AGBL1: variants seen among roughly 807,000 people sequenced by gnomAD.
AGBL1 encodes cytosolic carboxypeptidase 4.
A neutral mutation model predicts 118.9 loss-of-function variants in AGBL1; 130 were observed. That is an observed-to-expected ratio of 1.09 (90% CI 0.95 to 1.26). The LOEUF is 1.26. Among genes scored for constraint, AGBL1 ranks in the 50% most tolerant of loss-of-function variants. The probability of loss-of-function intolerance (pLI) is 0.00; values close to 1 mark genes in which losing one functional copy is unlikely to be tolerated. For synonymous variants in AGBL1, 555 were observed against 478.9 expected (o/e 1.16, Z -2.08); for missense variants, 1,584 against 1,298.1 (o/e 1.22, Z -3.38).
At chr15:86,590,248 A>G (rs552514924) in intron 21 of AGBL1, among the ~76,000 whole-genome samples, 2 of 152,288 alleles carry the variant, frequency 1.3e-5, no homozygotes, top group East Asian at 3.9e-4. Context: ...GTCCCCACCC[A>G]ATCTCACCTT....
At chr15:86,611,624 G>C (rs935304468) in intron 21 of AGBL1, among the ~76,000 whole-genome samples, 1 of 152,122 alleles carries the variant, frequency 6.6e-6, no homozygotes, top group Non-Finnish European at 1.5e-5. Flanking sequence ...GGAAATCTTT[G>C]CTGATTTATT....
chr15:86,209,333 T>C (rs541939707), intron 5 of AGBL1, among the ~76,000 whole-genome samples: 9 of 152,166 alleles, frequency 5.9e-5, no homozygotes, highest in South Asian at 4.1e-4. Context: ...CTATTAGGTC[T>C]GCTTGGTGCA....
At chr15:86,982,825 A>G (rs1465078697) in intron 23 of AGBL1, among the ~76,000 whole-genome samples, 1 of 152,216 alleles carries the variant, frequency 6.6e-6, no homozygotes, top group African/African-American at 2.4e-5. Flanking sequence ...AAAGTAGGCT[A>G]TGAGTAGTTA....
chr15:86,210,522 C>G (rs551449337), intron 5 of AGBL1, among the ~76,000 whole-genome samples: 1 of 152,226 alleles, frequency 6.6e-6, no homozygotes, highest in East Asian at 1.9e-4. Flanking sequence ...GCTTTTTACT[C>G]TTTTTTCTCT....
At chr15:86,637,829 CTG>C in intron 21 of AGBL1, among the ~76,000 whole-genome samples, 1 of 152,288 alleles carries the variant, frequency 6.6e-6, no homozygotes, top group Admixed American at 6.5e-5. Flanking sequence ...TGTCATGAGA[CTG>C]TAAGTTCTTT....
chr15:86,742,751 A>G (rs749082694), intron 22 of AGBL1, among the ~76,000 whole-genome samples: 5 of 152,096 alleles, frequency 3.3e-5, no homozygotes, highest in Non-Finnish European at 5.9e-5. Flanking sequence ...CATTCCTCTG[A>G]TAGAATCTGG....
intron 23 of AGBL1, among the ~76,000 whole-genome samples, chr15:86,964,047 G>A (rs1567262338): frequency 6.6e-6 from 1 of 151,238 alleles, no homozygotes; most frequent in African/African-American, 2.4e-5. Context: ...GTGTGTGTGT[G>A]TGTGTGTGTT....
At chr15:86,925,164 G>GGAA (rs1555463582) in intron 23 of AGBL1, among the ~76,000 whole-genome samples, 21 of 122,854 alleles carry the variant, frequency 1.7e-4, no homozygotes, top group African/African-American at 6.9e-4. Context: ...AGGAGGAGGA[G>GGAA]GAGGAAGAGG....
At chr15:86,246,623 C>T (rs1462761114) in intron 6 of AGBL1, among the ~76,000 whole-genome samples, 2 of 152,138 alleles carry the variant, frequency 1.3e-5, no homozygotes, top group African/African-American at 4.8e-5. Context: ...ATGTGGCAAA[C>T]AACCACGTGG....
At chr15:86,342,459 G>A (rs1453685884) in intron 17 of AGBL1, among the ~76,000 whole-genome samples, 1 of 152,148 alleles carries the variant, frequency 6.6e-6, no homozygotes, top group African/African-American at 2.4e-5. Context: ...CTGGCTTAGA[G>A]GATAGTAATA....
At chr15:86,752,818 G>GTAGC (rs2077875091) in intron 22 of AGBL1, among the ~76,000 whole-genome samples, 1 of 152,088 alleles carries the variant, frequency 6.6e-6, no homozygotes, top group African/African-American at 2.4e-5. Context: ...TATAAAAGGA[G>GTAGC]TAGCTATTTA....
Position 86,596,820 on chromosome 15 carries a change from C to T in AGBL1, c.2994+42283C>T, listed in dbSNP as rs185837135. 6.1e-4 allele frequency among the ~76,000 whole-genome samples: 93 copies of T among 152,252 alleles called. 1 individual carries two copies. Among genetic ancestry groups the T allele is most frequent in the African/African-American group, 2.1e-3 (87 of 41,550 alleles). On this transcript the variant is annotated intron_variant, in intron 21 of 22. Transcript: ENST00000614907. The stretch of plus-strand genomic sequence containing the variant: ...TGAATCTATTTACCTTGCTTTCCTT[C>T]TTCTTTTTCCCCTATTACTCATCAA...
intron 21 of AGBL1, among the ~76,000 whole-genome samples, chr15:86,635,601 C>G (rs925227184): frequency 6.6e-5 from 10 of 151,814 alleles, no homozygotes; most frequent in Non-Finnish European, 1.3e-4. Flanking sequence ...TGTGTTCTTA[C>G]TCAAGGAAAA....
At chr15:87,003,813 C>T (rs546308988) in intron 24 of AGBL1, among the ~76,000 whole-genome samples, 25 of 152,166 alleles carry the variant, frequency 1.6e-4, no homozygotes, top group East Asian at 7.7e-4. Flanking sequence ...TCTGTGGGAT[C>T]GGTGGTGATA....
chr15:86,281,834 A>G (rs190811536), intron 16 of AGBL1, among the ~76,000 whole-genome samples: 1 of 152,320 alleles, frequency 6.6e-6, no homozygotes, highest in East Asian at 1.9e-4. Flanking sequence ...TCGTTTTATG[A>G]GTCCATGTAG....
chr15:86,631,469 C>T (rs990813082), intron 21 of AGBL1, among the ~76,000 whole-genome samples: 2 of 152,108 alleles, frequency 1.3e-5, no homozygotes, highest in Non-Finnish European at 2.9e-5. Context: ...TGTGACTTGC[C>T]AAGAGTCAAG....
chr15:86,157,365 C>T (rs922338440), intron 4 of AGBL1, among the ~76,000 whole-genome samples: 4 of 152,280 alleles, frequency 2.6e-5, no homozygotes, highest in African/African-American at 4.8e-5. Flanking sequence ...AGGTGTGCCA[C>T]CCACATTTGC....
chr15:86,476,796 T>C (rs942910476), intron 18 of AGBL1, among the ~76,000 whole-genome samples: 1 of 152,158 alleles, frequency 6.6e-6, no homozygotes, highest in African/African-American at 2.4e-5. Flanking sequence ...CAGCACCACA[T>C]TGCACTTATT....
At chr15:86,508,223 G>T (rs1596203061) in intron 18 of AGBL1, among the ~76,000 whole-genome samples, 1 of 151,870 alleles carries the variant, frequency 6.6e-6, no homozygotes, top group East Asian at 1.9e-4. Context: ...TGCCCCACCT[G>T]TGATTTGCCT....
Sources: allele counts gnomAD v4.1 joint callset (sites outside exome capture counted in the v4.1 genomes callset), GRCh38; gene constraint gnomAD v4.1.1; transcripts MANE v1.5; gene names NCBI Gene and HGNC (gene_info 2026-07-23, HGNC 2026-07-21).